NRG3: variants seen among roughly 807,000 people sequenced by gnomAD.
The protein encoded by NRG3 is pro-neuregulin-3, membrane-bound isoform.
Under a neutral mutation model 66.9 loss-of-function variants are expected in NRG3, and 31 were observed. The ratio of observed to expected loss-of-function variants is 0.46; its 90% confidence interval spans 0.35 to 0.63. The LOEUF is 0.63. NRG3 is among the 20% of genes least tolerant of loss of function. The pLI, the probability that NRG3 is intolerant of heterozygous loss-of-function variation, is 0.00. For synonymous variants in NRG3, 393 were observed against 359.4 expected (o/e 1.09, Z -1.06); for missense variants, 910 against 878.9 (o/e 1.04, Z -0.45).
intron 1 of NRG3, among the ~76,000 whole-genome samples, chr10:82,192,578 G>A (rs1224215840): frequency 6.6e-6 from 1 of 152,152 alleles, no homozygotes; most frequent in African/African-American, 2.4e-5. Context: ...ATTCCCTGCA[G>A]TTCCTGAGGC....
intron 2 of NRG3, among the ~76,000 whole-genome samples, chr10:82,653,221 G>A (rs1224527193): frequency 6.6e-6 from 1 of 152,182 alleles, no homozygotes; most frequent in Non-Finnish European, 1.5e-5. Context: ...AGTGCTGAAT[G>A]AGGCAGCAAG....
chr10:82,177,562 A>G (rs2073123984), intron 1 of NRG3, among the ~76,000 whole-genome samples: 2 of 152,110 alleles, frequency 1.3e-5, no homozygotes, highest in African/African-American at 4.8e-5. Context: ...TTTCAAGCCT[A>G]GAAAGTTTAG....
intron 2 of NRG3, among the ~76,000 whole-genome samples, chr10:82,518,776 A>C (rs1053125592): frequency 6.6e-6 from 1 of 152,070 alleles, no homozygotes. Flanking sequence ...CATTTGTTGG[A>C]TTGATCCTTG....
At chr10:82,970,649 T>C (rs966047968) in intron 6 of NRG3, among the ~76,000 whole-genome samples, 1 of 152,210 alleles carries the variant, frequency 6.6e-6, no homozygotes, top group Admixed American at 6.5e-5. Context: ...AGCCTATGTT[T>C]CCCCAGGCTT....
rs142638762 is a variant in NRG3, at chr10:82,060,584, T to C, written c.823+184421T>C. On this transcript the variant is annotated intron_variant, in intron 1 of 8. Coordinates refer to ENST00000372141, the MANE Select transcript of NRG3 (RefSeq NM_001010848.4). Reference sequence around the variant, plus strand: ...GCTTTAATTTTTATTGAATATCATCTGATTAGCAATCTTGTTTTTGTTTTA... The same window carrying C: ...GCTTTAATTTTTATTGAATATCATCCGATTAGCAATCTTGTTTTTGTTTTA... 9.6e-3 allele frequency among the ~76,000 whole-genome samples: 1,462 copies of C among 152,362 alleles called. 11 individuals carry two copies. Among genetic ancestry groups the C allele is most frequent in the Non-Finnish European group, 0.016 (1,072 of 68,038 alleles).
chr10:82,931,218 C>G (rs1453630718), intron 4 of NRG3, among the ~76,000 whole-genome samples: 1 of 152,152 alleles, frequency 6.6e-6, no homozygotes, highest in African/African-American at 2.4e-5. Flanking sequence ...CCCATTTACT[C>G]CATCAGCAGG....
intron 4 of NRG3, among the ~76,000 whole-genome samples, chr10:82,948,652 T>A (rs1849246710): frequency 6.6e-6 from 1 of 152,138 alleles, no homozygotes; most frequent in African/African-American, 2.4e-5. Context: ...TTGATCTCTA[T>A]GTATTTTACA....
chr10:81,938,744 T>G (rs922897457), intron 1 of NRG3, among the ~76,000 whole-genome samples: 1 of 151,948 alleles, frequency 6.6e-6, no homozygotes, highest in Non-Finnish European at 1.5e-5. Context: ...TGTTGGTGCC[T>G]TTTAGTTGTT....
chr10:82,843,108 G>T, intron 3 of NRG3: 1 of 317,912 alleles, frequency 3.1e-6, no homozygotes, highest in Non-Finnish European at 6.5e-6. Flanking sequence ...TATATTTGTG[G>T]AGAAGATGGG....
In NRG3 at chr10:81,877,620, G is replaced by A. The variant is rs1421145378; in HGVS notation, c.823+1457G>A. On this transcript the variant is annotated intron_variant, in intron 1 of 8. Transcript: ENST00000372141. ...ATTTGTAAGTAAGGTCCAGGAGAGG[G>A]AAAGGGGGAAAAAAAAGCAAACCTA... is the stretch of plus-strand genomic sequence containing the variant. 9 of 1,100,050 alleles carry A rather than the reference G, an allele frequency of 8.2e-6. No individual in the cohort carries two copies. In the African/African-American group the frequency reaches 1.5e-4, roughly 18 times the overall value. 68.1% of individuals were successfully genotyped at this position (1,100,050 alleles called of 1,614,324 possible).
chr10:82,697,313 G>C (rs567877983), intron 2 of NRG3, among the ~76,000 whole-genome samples: 1 of 152,146 alleles, frequency 6.6e-6, no homozygotes, highest in Non-Finnish European at 1.5e-5. Flanking sequence ...ACCTGCTTAA[G>C]GTAACTGGAA....
chr10:82,880,207 C>T (rs2136053033), intron 4 of NRG3, among the ~76,000 whole-genome samples: 1 of 152,092 alleles, frequency 6.6e-6, no homozygotes, highest in Admixed American at 6.5e-5. Context: ...TATGAAATCG[C>T]CATAACCTGA....
At chr10:82,792,866 G>T (rs1356276005) in intron 3 of NRG3, among the ~76,000 whole-genome samples, 1 of 151,904 alleles carries the variant, frequency 6.6e-6, no homozygotes. Context: ...ATTTTTAGTA[G>T]AGATGGGGTT....
At chr10:82,505,949 A>G (rs1844625723) in intron 2 of NRG3, among the ~76,000 whole-genome samples, 1 of 152,234 alleles carries the variant, frequency 6.6e-6, no homozygotes, top group South Asian at 2.1e-4. Flanking sequence ...GACAAGTGCC[A>G]TTAAGAGACT....
At chr10:82,398,901 G>T (rs1320568865) in intron 2 of NRG3, among the ~76,000 whole-genome samples, 2 of 152,136 alleles carry the variant, frequency 1.3e-5, no homozygotes, top group African/African-American at 4.8e-5. Context: ...CCTACTGCAA[G>T]TTTCTCACCC....
chr10:82,619,963 G>T (rs2048928323), intron 2 of NRG3, among the ~76,000 whole-genome samples: 1 of 152,190 alleles, frequency 6.6e-6, no homozygotes, highest in Non-Finnish European at 1.5e-5. Flanking sequence ...TAATGATGCA[G>T]GAGTTTTTCT....
chr10:82,221,414 C>G (rs1336294), intron 1 of NRG3, among the ~76,000 whole-genome samples: 15,979 of 152,158 alleles, frequency 0.11, 907 homozygotes, highest in Middle Eastern at 0.18. Flanking sequence ...TTCCAGCCCC[C>G]CTCCATAATG....
At chr10:82,325,135 T>C (rs1375775906) in intron 1 of NRG3, among the ~76,000 whole-genome samples, 1 of 152,222 alleles carries the variant, frequency 6.6e-6, no homozygotes, top group Non-Finnish European at 1.5e-5. Flanking sequence ...TTGGAGTGTT[T>C]ACCCATCCCT....
In NRG3 at chr10:82,102,133, CATAT is replaced by C. The variant is rs369498870; in HGVS notation, c.823+226001_823+226004del. Among the ~76,000 whole-genome samples the C allele has an allele frequency of 9.5e-3, 250 of 26,280 alleles. 2 individuals carry two copies. The highest frequency in any genetic ancestry group is 0.035 in the African/African-American group (216 of 6,138). 17.2% of individuals were successfully genotyped at this position (26,280 alleles called of 152,430 possible). On this transcript the variant is annotated intron_variant, in intron 1 of 8. Transcript: ENST00000372141. ...GTATTCATATATATATATGTGTATTCATATATATATATATATATATATATATATA... is the reference window on the plus strand; with the variant it reads ...GTATTCATATATATATATGTGTATTCATATATATATATATATATATATATA...
Sources: gnomAD v4.1 joint callset for allele counts (sites outside exome capture counted in the v4.1 genomes callset) on GRCh38, gnomAD v4.1.1 for gene constraint, MANE v1.5 for transcripts, NCBI Gene and HGNC (gene_info 2026-07-23, HGNC 2026-07-21) for gene names.